Variants in TMPRSS11B observed in about 807,000 individuals in gnomAD.
The protein encoded by TMPRSS11B is transmembrane protease serine 11B.
Under a neutral mutation model 44.7 loss-of-function variants are expected in TMPRSS11B, and 53 were observed. The ratio of observed to expected loss-of-function variants is 1.19; its 90% CI spans 0.95 to 1.49. The LOEUF (loss-of-function observed/expected upper bound fraction) is 1.49. Among genes scored for constraint, TMPRSS11B ranks in the 40% most tolerant of loss-of-function variants. TMPRSS11B has a pLI of 0.00. For synonymous variants in TMPRSS11B, 140 were observed against 159.2 expected, an observed-to-expected ratio of 0.88 and a Z score of 0.91; for missense variants, 526 against 494.8, an observed-to-expected ratio of 1.06 and a Z score of -0.60.
intron 2 of TMPRSS11B, among the ~76,000 whole-genome samples, chr4:68,241,183 G>C (rs1166600685): frequency 1.3e-5 from 2 of 152,040 alleles, no homozygotes; most frequent in Non-Finnish European, 2.9e-5. Context: ...TGGAAACTAA[G>C]CTTTGTGAGT....
At chr4:68,242,562 T>A (rs1407394181) in intron 1 of TMPRSS11B, among the ~76,000 whole-genome samples, 1 of 147,162 alleles carries the variant, frequency 6.8e-6, no homozygotes, top group Non-Finnish European at 1.5e-5. Flanking sequence ...TTTTTAATTT[T>A]CTTTCTTTCT....
At position 68,241,684 on chromosome 4, in the gene TMPRSS11B, C is replaced by T. The variant is rs1459684341; in HGVS notation, c.124+5G>A. On this transcript the variant is annotated splice_donor_5th_base_variant and intron_variant, in intron 2 of 9. Transcript: ENST00000332644. The stretch of plus-strand genomic sequence containing the variant: ...GGATGAAAACTGAAAATAATCAGTA[C>T]TCACCAACTGCCAGAAAATGAACAA... 1.9e-6 allele frequency: 3 copies of T among 1,577,898 alleles called. No homozygotes were observed. The highest frequency in any genetic ancestry group is 2.6e-6 in the Non-Finnish European group (3 of 1,148,064).
intron 3 of TMPRSS11B, 23 bp from the exon 4 acceptor site, chr4:68,236,092 C>T: frequency 6.3e-7 from 1 of 1,576,424 alleles, no homozygotes; most frequent in Non-Finnish European, 8.6e-7. Flanking sequence ...AAAAAACAGT[C>T]ATCATGTATG....
intron 5 of TMPRSS11B, among the ~76,000 whole-genome samples, chr4:68,234,010 A>C (rs1053567668): frequency 1.3e-5 from 2 of 152,042 alleles, no homozygotes; most frequent in African/African-American, 4.8e-5. Context: ...TCTCTACTAA[A>C]AATACAAAAA....
At chr4:68,236,418 A>G (rs1289831638) in intron 2 of TMPRSS11B, 152 bp from the exon 3 acceptor site, 9 of 585,032 alleles carry the variant, frequency 1.5e-5, no homozygotes, top group Non-Finnish European at 2.7e-5. Context: ...CTTAACATTT[A>G]TACCTCTGCC....
Position 68,231,327 on chromosome 4 carries a change from C to T in TMPRSS11B, c.562G>A (p.Gly188Arg). 1 of 1,613,908 alleles carries T rather than the reference C, an allele frequency of 6.2e-7. No individual in the cohort carries two copies. Among genetic ancestry groups the T allele is most frequent in the Non-Finnish European group, 8.5e-7 (1 of 1,179,894 alleles). Residue 188 changes from glycine (G) to arginine (R), a missense_variant, in exon 7 of 10, where the codon GGA becomes AGA. Physicochemically the swap from Gly to Arg is moderately radical, Grantham distance 125. Coordinates refer to ENST00000332644, the MANE Select transcript of TMPRSS11B (RefSeq NM_182502.3). ...SIITGNKIVN[G>R]KSSLEGAWPW... Reference sequence around the variant, plus strand: ...CATGCCCCCTCCAGGGAGCTTTTTCCATTCACAATTTTGTTGCCAGTTATG... The same window carrying T: ...CATGCCCCCTCCAGGGAGCTTTTTCTATTCACAATTTTGTTGCCAGTTATG...
At position 68,243,088 on chromosome 4, in the gene TMPRSS11B, T is replaced by C. The variant is rs149774788; in HGVS notation, c.9-1284A>G. Among the ~76,000 whole-genome samples the C allele has an allele frequency of 1.8e-3, 280 of 152,306 alleles. 1 individual carries two copies. The highest frequency in any genetic ancestry group is 0.012 in the Admixed American group (188 of 15,284). On this transcript the variant is annotated intron_variant, in intron 1 of 9. Coordinates refer to ENST00000332644, the MANE Select transcript of TMPRSS11B (RefSeq NM_182502.3). ...AAGTTTGAATCCTAGTTATTTTTCA[T>C]ATCTTGAGAGATGATGTTATATAAT... is the stretch of plus-strand genomic sequence containing the variant.
intron 1 of TMPRSS11B, among the ~76,000 whole-genome samples, chr4:68,242,353 A>AATATATATTATAATATATATTATAT (rs1197333659): frequency 1.1e-3 from 16 of 14,628 alleles, no homozygotes; most frequent in East Asian, 4.0e-3. Context: ...TATTATATAT[A>AATATATATTATAATATATATTATAT]ATATTATATT....
chr4:68,230,652 G>C (rs1209722343), intron 7 of TMPRSS11B, among the ~76,000 whole-genome samples: 1 of 151,892 alleles, frequency 6.6e-6, no homozygotes, highest in South Asian at 2.1e-4. Context: ...AAAAATACAA[G>C]AATTAGCTGG....
In TMPRSS11B at chr4:68,232,401, G is replaced by A. The variant is rs1719541603; in HGVS notation, c.485C>T (p.Ala162Val). The A allele has an allele frequency of 6.2e-6, 10 of 1,612,004 alleles. No individual in the cohort carries two copies. The highest frequency in any genetic ancestry group is 8.5e-6 in the Non-Finnish European group (10 of 1,179,064). ...SIKLMEISKAASEMLTNNCCG... is the reference protein window; with the variant it reads ...SIKLMEISKAVSEMLTNNCCG... ...ACAGTTGTTGGTAAGCATTTCAGAA[G>A]CAGCCTTGCTGATTTCTGAAAGTGA... The change falls in exon 6 of 10, where the codon GCT (alanine) becomes GTT (valine). Residue 162 changes from alanine (A) to valine (V), a missense_variant. By Grantham distance (64) the Ala-to-Val change is moderately conservative. Coordinates refer to ENST00000332644, the MANE Select transcript of TMPRSS11B (RefSeq NM_182502.3).
At chr4:68,230,313 A>G (rs1178214951) in intron 7 of TMPRSS11B, among the ~76,000 whole-genome samples, 1 of 152,178 alleles carries the variant, frequency 6.6e-6, no homozygotes, top group Non-Finnish European at 1.5e-5. Context: ...TCAGATGGAT[A>G]TGCTGTCTTT....
intron 2 of TMPRSS11B, among the ~76,000 whole-genome samples, chr4:68,239,549 A>G (rs1719766695): frequency 6.6e-6 from 1 of 152,226 alleles, no homozygotes; most frequent in African/African-American, 2.4e-5. Flanking sequence ...ATTTAGATAA[A>G]CTGAATGGAA....
At chr4:68,234,416 C>T in intron 5 of TMPRSS11B, 47 bp downstream of exon 5, 1 of 1,545,844 alleles carries the variant, frequency 6.5e-7, no homozygotes. Flanking sequence ...AAAAAATAAT[C>T]CAGAAAAAAC....
In TMPRSS11B at chr4:68,226,788, T is replaced by C. The variant is rs772972310; in HGVS notation, c.*1123A>G. The C allele has an allele frequency of 2.6e-5, 4 of 152,232 alleles. No homozygotes were observed. The highest frequency in any genetic ancestry group is 4.8e-5 in the African/African-American group (2 of 41,458). The allele number at this position is 152,232 out of a possible 1,614,324, so 9.4% of individuals were successfully genotyped here. The stretch of plus-strand genomic sequence containing the variant: ...CATCCATATGATTGCACTTTTACTA[T>C]AAGGAGATGCCACACAGTTCTCTGC... On this transcript the variant is annotated 3_prime_UTR_variant, in exon 10 of 10. Coordinates refer to ENST00000332644, the MANE Select transcript of TMPRSS11B (RefSeq NM_182502.3).
chr4:68,238,609 C>T (rs190860649), intron 2 of TMPRSS11B, among the ~76,000 whole-genome samples: 3 of 151,842 alleles, frequency 2.0e-5, no homozygotes, highest in Non-Finnish European at 1.5e-5. Context: ...CGCTGGTAGT[C>T]CCAGCTACTT....
At chr4:68,242,309 A>G (rs1719867595) in intron 1 of TMPRSS11B, among the ~76,000 whole-genome samples, 1 of 50,632 alleles carries the variant, frequency 2.0e-5, no homozygotes, top group Non-Finnish European at 3.3e-5. Flanking sequence ...TATAATATAT[A>G]TAATATTATA....
intron 1 of TMPRSS11B, among the ~76,000 whole-genome samples, chr4:68,244,751 A>G (rs548663997): frequency 6.6e-6 from 1 of 152,324 alleles, no homozygotes; most frequent in East Asian, 1.9e-4. Flanking sequence ...ACTTTTGGGC[A>G]CTGCTTTAGG....
chr4:68,242,055 T>C (rs1009944237), intron 1 of TMPRSS11B, among the ~76,000 whole-genome samples: 1 of 150,014 alleles, frequency 6.7e-6, no homozygotes, highest in Non-Finnish European at 1.5e-5. Context: ...TGTCCTCATG[T>C]TGCTGAAGAG....
At chr4:68,240,577 A>AT (rs1208778953) in intron 2 of TMPRSS11B, among the ~76,000 whole-genome samples, 2 of 152,204 alleles carry the variant, frequency 1.3e-5, no homozygotes, top group South Asian at 2.1e-4. Flanking sequence ...GAAAAAATGG[A>AT]TTTTTTCACA....
Sources: gnomAD v4.1 joint callset for allele counts (sites outside exome capture counted in the v4.1 genomes callset) on GRCh38, gnomAD v4.1.1 for gene constraint, MANE v1.5 for transcripts, NCBI Gene and HGNC (gene_info 2026-07-23, HGNC 2026-07-21) for gene names.